The following RBFOX1 variants were observed in gnomAD, a reference collection of about 807,000 sequenced individuals.
RBFOX1 encodes the protein RNA binding protein fox-1 homolog 1.
RBFOX1 carries 8 observed loss-of-function variants against 57.7 expected under a neutral mutation model. The ratio of observed to expected loss-of-function variants is 0.14; its 90% CI spans 0.08 to 0.25. The LOEUF (loss-of-function observed/expected upper bound fraction) is 0.25, where lower values mean the gene tolerates loss of function less well. RBFOX1 is among the 10% of genes least tolerant of loss of function. RBFOX1 has a pLI of 1.00. For missense variants in RBFOX1, 611 were observed against 548.5 expected (o/e 1.11, Z -1.14); for synonymous variants, 326 against 222.4 (o/e 1.47, Z -4.15).
chr16:6,845,279 A>G (rs1412978543), intron 3 of RBFOX1, among the ~76,000 whole-genome samples: 2 of 151,082 alleles, frequency 1.3e-5, no homozygotes, highest in African/African-American at 2.4e-5. Flanking sequence ...GGTATTGCCT[A>G]GGTTTTTTTT....
chr16:6,605,046 A>T (rs968722291), intron 2 of RBFOX1, among the ~76,000 whole-genome samples: 10 of 152,066 alleles, frequency 6.6e-5, no homozygotes, highest in Admixed American at 5.2e-4. Context: ...AAATATATAA[A>T]CACATGCACA....
chr16:7,216,189 A>T (rs1006829918), intron 4 of RBFOX1, among the ~76,000 whole-genome samples: 1 of 152,176 alleles, frequency 6.6e-6, no homozygotes, highest in Non-Finnish European at 1.5e-5. Context: ...TAGTTGGTAG[A>T]TAATTGGGTT....
At chr16:5,628,591 T>C (rs2048411552) in intron 3 of RBFOX1, among the ~76,000 whole-genome samples, 1 of 152,194 alleles carries the variant, frequency 6.6e-6, no homozygotes, top group South Asian at 2.1e-4. Flanking sequence ...CCTAGAGTTA[T>C]TGCTCTGTCT....
chr16:6,214,672 G>T, intron 1 of RBFOX1, among the ~76,000 whole-genome samples: 2 of 117,960 alleles, frequency 1.7e-5, no homozygotes, highest in African/African-American at 6.6e-5. Context: ...AAGGAGAGAG[G>T]GAGAAGGGGA....
intron 2 of RBFOX1, among the ~76,000 whole-genome samples, chr16:6,571,255 T>C (rs2097340795): frequency 6.6e-6 from 1 of 152,140 alleles, no homozygotes; most frequent in African/African-American, 2.4e-5. Context: ...GAGCTGCTGC[T>C]CCCAGGGCTG....
intron 3 of RBFOX1, among the ~76,000 whole-genome samples, chr16:6,754,643 A>T (rs1478553577): frequency 6.6e-6 from 1 of 151,878 alleles, no homozygotes; most frequent in African/African-American, 2.4e-5. Flanking sequence ...ATATACGGGG[A>T]TGTTGTTTTA....
chr16:7,627,539 A>T (rs2060268684), intron 10 of RBFOX1, among the ~76,000 whole-genome samples: 2 of 152,326 alleles, frequency 1.3e-5, no homozygotes, highest in African/African-American at 4.8e-5. Flanking sequence ...GTTGAAGGCT[A>T]GGGACAGATA....
chr16:7,292,598 G>T (rs2095813730), intron 4 of RBFOX1, among the ~76,000 whole-genome samples: 1 of 150,436 alleles, frequency 6.6e-6, no homozygotes, highest in Non-Finnish European at 1.5e-5. Flanking sequence ...GACGATTAGG[G>T]TATAGGAGGT....
intron 4 of RBFOX1, among the ~76,000 whole-genome samples, chr16:7,227,097 G>C (rs1444949220): frequency 2.0e-5 from 3 of 152,122 alleles, no homozygotes; most frequent in Non-Finnish European, 4.4e-5. Context: ...GTCATTTATA[G>C]AACCTGTTTG....
chr16:7,511,900 A>C (rs2075198689), intron 4 of RBFOX1, among the ~76,000 whole-genome samples: 1 of 152,170 alleles, frequency 6.6e-6, no homozygotes, highest in Admixed American at 6.5e-5. Flanking sequence ...GCCTTCTTTC[A>C]TCCTCCTTTT....
At chr16:5,652,582 T>C (rs1285923246) in intron 3 of RBFOX1, among the ~76,000 whole-genome samples, 2 of 152,184 alleles carry the variant, frequency 1.3e-5, no homozygotes, top group Non-Finnish European at 2.9e-5. Flanking sequence ...AGACCTCCAC[T>C]CCAGAAGTCT....
At chr16:6,980,828 A>G (rs1034277064) in intron 3 of RBFOX1, among the ~76,000 whole-genome samples, 1 of 152,116 alleles carries the variant, frequency 6.6e-6, no homozygotes, top group Non-Finnish European at 1.5e-5. Context: ...GGATCACTTC[A>G]GGTCAGGAGT....
chr16:7,542,083 C>T (rs1196450545), intron 5 of RBFOX1, among the ~76,000 whole-genome samples: 1 of 152,144 alleles, frequency 6.6e-6, no homozygotes, highest in African/African-American at 2.4e-5. Context: ...TAAAATAGAG[C>T]AGCAGTTCCC....
chr16:7,261,886 C>G (rs946059380), intron 4 of RBFOX1, among the ~76,000 whole-genome samples: 3 of 152,122 alleles, frequency 2.0e-5, no homozygotes. Flanking sequence ...CTTTGGGCAT[C>G]AATAGTGTGA....
In RBFOX1 at chr16:7,197,998, C is replaced by CTTTCTTTCTTTTTTTTTTTT; in HGVS notation, c.27+145903_27+145904insCTTTCTTTTTTTTTTTTTTT. On this transcript the variant is annotated intron_variant, in intron 4 of 15. Coordinates refer to ENST00000550418, the MANE Select transcript of RBFOX1 (RefSeq NM_018723.4). Reference sequence around the variant, plus strand: ...TCATACCTTGTGGTTTTCTTTCTTTCTTTTTTTTTTTTTTTTTTTTTTTTT... The same window carrying CTTTCTTTCTTTTTTTTTTTT: ...TCATACCTTGTGGTTTTCTTTCTTTCTTTCTTTCTTTTTTTTTTTTTTTTTTTTTTTTTTTTTTTTTTTTT... 1.4e-3 allele frequency among the ~76,000 whole-genome samples: 77 copies of CTTTCTTTCTTTTTTTTTTTT among 55,602 alleles called. 2 individuals are homozygous for CTTTCTTTCTTTTTTTTTTTT. The highest frequency in any genetic ancestry group is 1.8e-3 in the Non-Finnish European group (57 of 31,262). 36.5% of individuals were successfully genotyped at this position (55,602 alleles called of 152,430 possible). A position where few individuals can be genotyped will look rare whatever the true frequency, so the allele number is the denominator to read the frequency against.
chr16:6,224,075 A>C (rs2097397940), intron 1 of RBFOX1, among the ~76,000 whole-genome samples: 1 of 152,024 alleles, frequency 6.6e-6, no homozygotes, highest in Non-Finnish European at 1.5e-5. Context: ...CTGTTTTGGT[A>C]CCAGTACCAT....
chr16:7,524,476 A>C (rs2078229752), intron 5 of RBFOX1, among the ~76,000 whole-genome samples: 2 of 152,212 alleles, frequency 1.3e-5, no homozygotes, highest in South Asian at 4.1e-4. Flanking sequence ...GTTCCTGACA[A>C]GGTATTTTAC....
intron 3 of RBFOX1, among the ~76,000 whole-genome samples, chr16:7,044,707 A>C (rs1171231149): frequency 5.4e-5 from 8 of 147,362 alleles, no homozygotes; most frequent in Non-Finnish European, 2.9e-5. Context: ...GGGAGAAAAA[A>C]AATATCACAT....
chr16:6,800,408 C>T (rs1250484159), intron 3 of RBFOX1, among the ~76,000 whole-genome samples: 2 of 152,090 alleles, frequency 1.3e-5, no homozygotes, highest in African/African-American at 2.4e-5. Context: ...GCTTCTCACT[C>T]TTTAACAGTG....
Sources: allele counts gnomAD v4.1 joint callset (sites outside exome capture counted in the v4.1 genomes callset), GRCh38; gene constraint gnomAD v4.1.1; transcripts MANE v1.5; gene names NCBI Gene and HGNC (gene_info 2026-07-23, HGNC 2026-07-21).